Variants in ZBTB7C observed in about 807,000 individuals in gnomAD.
ZBTB7C encodes the protein zinc finger and BTB domain-containing protein 7C.
Under a neutral mutation model 25.7 loss-of-function variants are expected in ZBTB7C, and 8 were observed. That is an observed-to-expected ratio of 0.31 (90% CI 0.18 to 0.56). ZBTB7C has a LOEUF of 0.56. Among genes scored for constraint, ZBTB7C ranks in the 20% least tolerant of loss-of-function variants. The pLI is 0.91. For synonymous variants in ZBTB7C, 394 were observed against 369.0 expected, an observed-to-expected ratio of 1.07 and a Z score of -0.78; for missense variants, 824 against 855.2, an observed-to-expected ratio of 0.96 and a Z score of 0.46.
chr18:48,243,590 C>T (rs9952414), intron 2 of ZBTB7C, among the ~76,000 whole-genome samples: 7,853 of 152,110 alleles, frequency 0.052, 872 homozygotes, highest in East Asian at 0.48. Flanking sequence ...GTGAAAATGA[C>T]CATGACTGCC....
chr18:48,356,874 C>T (rs1182456636), intron 1 of ZBTB7C, among the ~76,000 whole-genome samples: 1 of 152,226 alleles, frequency 6.6e-6, no homozygotes, highest in Non-Finnish European at 1.5e-5. Context: ...TCTCAGCCCC[C>T]ACAGCACCCA....
chr18:48,363,855 C>T (rs138989108), intron 1 of ZBTB7C, among the ~76,000 whole-genome samples: 494 of 152,168 alleles, frequency 3.2e-3, no homozygotes, highest in African/African-American at 0.011. Context: ...CAATCTTACC[C>T]CACCAACACA....
chr18:48,311,123 G>A (rs75005146), intron 2 of ZBTB7C, among the ~76,000 whole-genome samples: 1 of 152,104 alleles, frequency 6.6e-6, no homozygotes, highest in African/African-American at 2.4e-5. Context: ...AAAACCCAGG[G>A]GTAGGCATCT....
In ZBTB7C at chr18:48,029,351, G is replaced by A. The variant is rs1308080403; in HGVS notation, c.1769C>T (p.Pro590Leu). The A allele has an allele frequency of 7.1e-6, 11 of 1,545,394 alleles. No individual in the cohort carries two copies. Among genetic ancestry groups the A allele is most frequent in the African/African-American group, 1.4e-5 (1 of 72,938 alleles). Residue 590 changes from proline (P) to leucine (L), a missense_variant, in exon 5 of 5, where the codon CCG (proline) becomes CTG (leucine). Physicochemically the swap from Pro to Leu is moderately conservative, Grantham distance 98 (BLOSUM62 -3). Transcript: ENST00000590800. ...ENVAAARPYFPLPDPWAAGLA... is the reference protein window; with the variant it reads ...ENVAAARPYFLLPDPWAAGLA... ...GCCGGCGGCCCAAGGGTCGGGCAGC[G>A]GGAAGTAGGGCCGCGCCGCCGCCAC...
chr18:48,333,735 G>C (rs986829399), intron 2 of ZBTB7C, among the ~76,000 whole-genome samples: 15 of 152,212 alleles, frequency 9.9e-5, no homozygotes, highest in African/African-American at 3.6e-4. Context: ...GGAAGCAGCA[G>C]CCAGCTGCTA....
At chr18:48,394,936 G>T (rs971050251) in intron 1 of ZBTB7C, among the ~76,000 whole-genome samples, 1 of 152,144 alleles carries the variant, frequency 6.6e-6, no homozygotes, top group African/African-American at 2.4e-5. Context: ...CTAACTGGTC[G>T]ATTATCCCCT....
intron 2 of ZBTB7C, among the ~76,000 whole-genome samples, chr18:48,319,112 C>CTGTGTGTGTGTG (rs143825394): frequency 0.21 from 30,288 of 147,178 alleles, 3,585 homozygotes; most frequent in East Asian, 0.5. Context: ...CAGAATGCCT[C>CTGTGTGTGTGTG]TGTGTGTGTG....
intron 3 of ZBTB7C, among the ~76,000 whole-genome samples, chr18:48,102,409 T>TA (rs909649419): frequency 5.9e-5 from 9 of 151,726 alleles, no homozygotes; most frequent in East Asian, 1.9e-4. Flanking sequence ...TACAAAAAGT[T>TA]AAAAAAATAG....
intron 2 of ZBTB7C, among the ~76,000 whole-genome samples, chr18:48,267,303 T>TG (rs2044343185): frequency 6.6e-6 from 1 of 152,224 alleles, no homozygotes; most frequent in Non-Finnish European, 1.5e-5. Context: ...CAGCATCAGA[T>TG]AAGGCATGTG....
intron 3 of ZBTB7C, among the ~76,000 whole-genome samples, chr18:48,073,910 T>C (rs985859579): frequency 6.6e-6 from 1 of 152,140 alleles, no homozygotes; most frequent in Non-Finnish European, 1.5e-5. Flanking sequence ...CCCAAAGAAA[T>C]ATTAGCTTCT....
chr18:48,191,224 G>C (rs958216731), intron 2 of ZBTB7C, among the ~76,000 whole-genome samples: 1 of 152,178 alleles, frequency 6.6e-6, no homozygotes, highest in Non-Finnish European at 1.5e-5. Flanking sequence ...CCCTCAGTGA[G>C]TGTCTGTGGC....
At chr18:48,065,885 TC>T (rs1186602850) in intron 3 of ZBTB7C, among the ~76,000 whole-genome samples, 1 of 152,132 alleles carries the variant, frequency 6.6e-6, no homozygotes, top group Non-Finnish European at 1.5e-5. Flanking sequence ...GTGGGGCAGC[TC>T]ATCTTCCAAT....
chr18:48,406,931 C>T (rs1398272684), intron 1 of ZBTB7C, among the ~76,000 whole-genome samples: 1 of 152,194 alleles, frequency 6.6e-6, no homozygotes, highest in African/African-American at 2.4e-5. Context: ...CAATTCCTTC[C>T]TGCTCATACA....
intron 2 of ZBTB7C, among the ~76,000 whole-genome samples, chr18:48,298,360 T>C (rs1282067771): frequency 2.6e-5 from 4 of 151,934 alleles, no homozygotes. Context: ...GTCCTTCCCT[T>C]TGAGGGCACA....
intron 2 of ZBTB7C, among the ~76,000 whole-genome samples, chr18:48,238,463 A>G (rs1385880333): frequency 6.6e-6 from 1 of 152,236 alleles, no homozygotes; most frequent in Non-Finnish European, 1.5e-5. Flanking sequence ...CTGAGTGCCC[A>G]AAGTGTGTGA....
chr18:48,191,374 C>A (rs1054795078), intron 2 of ZBTB7C, among the ~76,000 whole-genome samples: 1 of 152,190 alleles, frequency 6.6e-6, no homozygotes, highest in Admixed American at 6.5e-5. Context: ...CCTCTCTCTG[C>A]GTCAGATTTT....
In ZBTB7C at chr18:48,110,971, G is replaced by A. The variant is rs1242567996; in HGVS notation, c.-16-69848C>T. Among the ~76,000 whole-genome samples the A allele has an allele frequency of 2.0e-5, 3 of 152,220 alleles. 1 individual carries two copies. The South Asian group carries it at 6.2e-4, about 32-fold the overall frequency. Reference sequence around the variant, plus strand: ...CAATCAATGAGTAGGTCATGTGGAAGTTCGATCTGGGCTTCATATGATAAC... The same window carrying A: ...CAATCAATGAGTAGGTCATGTGGAAATTCGATCTGGGCTTCATATGATAAC... On this transcript the variant is annotated intron_variant, in intron 3 of 4. Transcript: ENST00000590800.
At chr18:48,388,513 C>T (rs1343725820) in intron 1 of ZBTB7C, among the ~76,000 whole-genome samples, 1 of 152,146 alleles carries the variant, frequency 6.6e-6, no homozygotes. Flanking sequence ...TATTGCAGTG[C>T]TTATATTTGC....
intron 2 of ZBTB7C, among the ~76,000 whole-genome samples, chr18:48,282,213 A>C (rs1421292779): frequency 4.7e-5 from 7 of 149,970 alleles, no homozygotes; most frequent in Admixed American, 2.0e-4. Context: ...TCGCAAGAAC[A>C]AAAAACCAAA....
Sources: gnomAD v4.1 joint callset for allele counts (sites outside exome capture counted in the v4.1 genomes callset) on GRCh38, gnomAD v4.1.1 for gene constraint, MANE v1.5 for transcripts, NCBI Gene and HGNC (gene_info 2026-07-23, HGNC 2026-07-21) for gene names.